The following INPP4B variants were observed in gnomAD, a reference collection of about 807,000 sequenced individuals.
INPP4B encodes the protein inositol polyphosphate-4-phosphatase type II B, also known as inositol polyphosphate 4-phosphatase type II.
INPP4B carries 55 observed loss-of-function variants against 122.5 expected under a neutral mutation model. The observed-to-expected ratio is 0.45, with a 90% CI of 0.36 to 0.56. INPP4B has a LOEUF of 0.56. INPP4B is among the 20% of genes least tolerant of loss of function. The probability of loss-of-function intolerance (pLI) is 0.00; values close to 1 mark genes in which losing one functional copy is unlikely to be tolerated. For synonymous variants in INPP4B, 403 were observed against 388.7 expected (o/e 1.04, Z -0.43); for missense variants, 1,000 against 1,097.7 (o/e 0.91, Z 1.26).
At chr4:142,241,103 C>T (rs189009647) in intron 11 of INPP4B, among the ~76,000 whole-genome samples, 2 of 152,264 alleles carry the variant, frequency 1.3e-5, no homozygotes, top group East Asian at 3.9e-4. Context: ...TCTGGCTCTC[C>T]ACTGGTGGCA....
chr4:142,549,589 G>A (rs1174299446), intron 2 of INPP4B, among the ~76,000 whole-genome samples: 2 of 152,142 alleles, frequency 1.3e-5, no homozygotes, highest in Non-Finnish European at 2.9e-5. Flanking sequence ...ACCTTCTCCA[G>A]GGTGATCATA....
chr4:142,763,707 A>G (rs1197475050), intron 1 of INPP4B, among the ~76,000 whole-genome samples: 1 of 152,194 alleles, frequency 6.6e-6, no homozygotes, highest in Non-Finnish European at 1.5e-5. Flanking sequence ...CTAGCTGTGT[A>G]TACTACCAAA....
intron 2 of INPP4B, among the ~76,000 whole-genome samples, chr4:142,638,500 T>C (rs1175666890): frequency 6.6e-6 from 1 of 152,120 alleles, no homozygotes; most frequent in Non-Finnish European, 1.5e-5. Flanking sequence ...TGTTAGTCTA[T>C]TTCTGGGCTC....
chr4:142,045,962 G>A (rs542212694), intron 25 of INPP4B, among the ~76,000 whole-genome samples: 31 of 151,980 alleles, frequency 2.0e-4, no homozygotes, highest in South Asian at 4.1e-4. Flanking sequence ...AGCAGCGAGC[G>A]GTGAGGACTT....
intron 7 of INPP4B, among the ~76,000 whole-genome samples, chr4:142,335,961 TC>T (rs1194889778): frequency 6.6e-6 from 1 of 152,146 alleles, no homozygotes; most frequent in Non-Finnish European, 1.5e-5. Context: ...AGTGAGAACT[TC>T]CGTGGTGTCT....
At chr4:142,434,533 C>G (rs772544405) in intron 3 of INPP4B, among the ~76,000 whole-genome samples, 1 of 152,168 alleles carries the variant, frequency 6.6e-6, no homozygotes, top group African/African-American at 2.4e-5. Flanking sequence ...GCATTTCCCT[C>G]TGCTCCTCTC....
chr4:142,119,857 G>A (rs1389064575), intron 21 of INPP4B, among the ~76,000 whole-genome samples: 1 of 148,968 alleles, frequency 6.7e-6, no homozygotes, highest in South Asian at 2.1e-4. Context: ...ACGTATATAT[G>A]AGTTCTATAT....
At chr4:142,549,563 T>C (rs1727476469) in intron 2 of INPP4B, among the ~76,000 whole-genome samples, 1 of 152,146 alleles carries the variant, frequency 6.6e-6, no homozygotes, top group Non-Finnish European at 1.5e-5. Context: ...TGAATTCCAA[T>C]GACTAAGATG....
chr4:142,372,117 T>A (rs1790163332), intron 7 of INPP4B, among the ~76,000 whole-genome samples: 1 of 152,062 alleles, frequency 6.6e-6, no homozygotes, highest in Admixed American at 6.6e-5. Flanking sequence ...AATAATAAAA[T>A]CCTTTCATTT....
intron 2 of INPP4B, among the ~76,000 whole-genome samples, chr4:142,619,950 G>C (rs996893144): frequency 6.6e-6 from 1 of 151,974 alleles, no homozygotes; most frequent in Non-Finnish European, 1.5e-5. Context: ...TTAAAACCAA[G>C]TAAGAGTAGT....
At chr4:142,643,788 C>T (rs1398010063) in intron 2 of INPP4B, among the ~76,000 whole-genome samples, 2 of 152,108 alleles carry the variant, frequency 1.3e-5, no homozygotes, top group Admixed American at 1.3e-4. Flanking sequence ...CTTAAAGAAA[C>T]AAATTATTAA....
In INPP4B at chr4:142,028,578, G is replaced by GAATC. The variant is rs1390694657; in HGVS notation, c.*200_*203dup. The GAATC allele has an allele frequency of 3.5e-6, 2 of 569,684 alleles. No homozygotes were observed. Among genetic ancestry groups the GAATC allele is most frequent in the East Asian group, 2.9e-5 (1 of 34,572 alleles). The allele number at this position is 569,684 out of a possible 1,614,324, so 35.3% of individuals were successfully genotyped here. A position where few individuals can be genotyped will look rare whatever the true frequency, so the allele number is the denominator to read the frequency against. On this transcript the variant is annotated 3_prime_UTR_variant, in exon 26 of 26. Coordinates refer to ENST00000262992, the MANE Select transcript of INPP4B (RefSeq NM_001101669.3). ...GCTTAGAACTAGAAATGACAGTACT[G>GAATC]AATCATGTAAGATTTTTTAAAATGG...
chr4:142,626,769 A>T (rs920925520), intron 2 of INPP4B, among the ~76,000 whole-genome samples: 3 of 152,006 alleles, frequency 2.0e-5, no homozygotes, highest in African/African-American at 7.2e-5. Context: ...TACTTGAAAA[A>T]TCCTAACTAG....
chr4:142,223,843 T>C (rs1292201882), intron 12 of INPP4B, among the ~76,000 whole-genome samples: 1 of 151,836 alleles, frequency 6.6e-6, no homozygotes, highest in Non-Finnish European at 1.5e-5. Context: ...TTAATGCATA[T>C]TTTTTTTGGA....
intron 2 of INPP4B, among the ~76,000 whole-genome samples, chr4:142,527,321 T>C (rs907993594): frequency 7.8e-4 from 118 of 152,010 alleles, no homozygotes; most frequent in African/African-American, 1.8e-3. Flanking sequence ...TTTTATAGAA[T>C]TTATACAAAA....
Position 142,086,165 on chromosome 4 carries a change from T to A in INPP4B, c.2466A>T (p.Glu822Asp), listed in dbSNP as rs367914529. The A allele has an allele frequency of 1.6e-4, 257 of 1,594,410 alleles. No homozygotes were observed. Among genetic ancestry groups the A allele is most frequent in the Non-Finnish European group, 2.1e-4 (247 of 1,162,346 alleles). The change falls in exon 24 of 26, where the codon GAA becomes GAT. Residue 822 changes from glutamate (E) to aspartate (D), a missense_variant. By Grantham distance (45) the Glu-to-Asp change is conservative. Transcript: ENST00000262992. ...NIQSKKRKNVEIMWLAATICR... is the reference protein window; with the variant it reads ...NIQSKKRKNVDIMWLAATICR... ...TTACCGTTGCAGCCAGCCACATAATTTCTACATTCTTTCTTTTTTTGGATT... is the reference window on the plus strand; with the variant it reads ...TTACCGTTGCAGCCAGCCACATAATATCTACATTCTTTCTTTTTTTGGATT...
intron 7 of INPP4B, among the ~76,000 whole-genome samples, chr4:142,323,804 C>T (rs1418108967): frequency 3.3e-5 from 5 of 151,398 alleles, no homozygotes; most frequent in South Asian, 4.2e-4. Flanking sequence ...TACCTTCCAG[C>T]AGACAGGTGC....
intron 5 of INPP4B, among the ~76,000 whole-genome samples, chr4:142,415,680 G>A (rs1163872152): frequency 1.3e-5 from 2 of 152,124 alleles, no homozygotes; most frequent in Non-Finnish European, 2.9e-5. Context: ...TATAAATCAT[G>A]CTGCTATAAA....
intron 2 of INPP4B, among the ~76,000 whole-genome samples, chr4:142,482,719 A>G (rs970906123): frequency 1.3e-5 from 2 of 152,090 alleles, no homozygotes; most frequent in Admixed American, 1.3e-4. Flanking sequence ...AATGCTTTGT[A>G]CTGAGATTAA....
Sources: gnomAD v4.1 joint callset for allele counts (sites outside exome capture counted in the v4.1 genomes callset) on GRCh38, gnomAD v4.1.1 for gene constraint, MANE v1.5 for transcripts, NCBI Gene and HGNC (gene_info 2026-07-23, HGNC 2026-07-21) for gene names.